TMX2: variants seen among roughly 807,000 people sequenced by gnomAD.
The protein encoded by TMX2 is thioredoxin-related transmembrane protein 2.
In TMX2, 20 loss-of-function variants were observed where a neutral mutation model predicts 33.4. The observed-to-expected ratio is 0.60, with a 90% confidence interval of 0.42 to 0.87. The LOEUF (loss-of-function observed/expected upper bound fraction) is 0.87, where lower values mean the gene tolerates loss of function less well. TMX2 is among the 40% of genes least tolerant of loss of function. TMX2 has a pLI of 0.00. For synonymous variants in TMX2, 166 were observed against 140.7 expected, an observed-to-expected ratio of 1.18 and a Z score of -1.27; for missense variants, 340 against 370.7, an observed-to-expected ratio of 0.92 and a Z score of 0.68.
chr11:57,737,288 C>T (rs999306889), intron 1 of TMX2, among the ~76,000 whole-genome samples: 4 of 151,948 alleles, frequency 2.6e-5, no homozygotes, highest in African/African-American at 4.8e-5. Context: ...GGTGTGGTGG[C>T]GCATGTCTGC....
Position 57,714,057 on chromosome 11 carries a change from C to T in TMX2, c.189+1250C>T, listed in dbSNP as rs114848102. 7.5e-3 allele frequency among the ~76,000 whole-genome samples: 1,141 copies of T among 152,242 alleles called. 15 individuals carry two copies. The highest frequency in any genetic ancestry group is 0.025 in the African/African-American group (1,057 of 41,536). On this transcript the variant is annotated intron_variant, in intron 1 of 7. Transcript: ENST00000278422. ...TCCAGTATCTGCTGGTTTCCAGGGA[C>T]CTTTAATTTAAAATGATTAGCATAC...
At position 57,712,728 on chromosome 11, in the gene TMX2, T is replaced by C; in HGVS notation, c.110T>C (p.Leu37Pro). ...LLSALLSAAF[L>P]LVRKLPPLCH... ...TCGGCCCTGCTCTCTGCTGCCTTCC[T>C]ACTCGTGAGGAAACTGCCGCCGCTC... Residue 37 changes from leucine to proline, a missense_variant, in exon 1 of 8, where the codon CTA (leucine) becomes CCA (proline). Physicochemically the swap from Leu to Pro is moderately conservative, Grantham distance 98 (BLOSUM62 -3). Coordinates refer to ENST00000278422, the MANE Select transcript of TMX2 (RefSeq NM_015959.4). 6.2e-7 allele frequency: 1 copy of C among 1,614,152 alleles called. No homozygotes were observed. Among genetic ancestry groups the C allele is most frequent in the Non-Finnish European group, 8.5e-7 (1 of 1,180,030 alleles).
intron 1 of TMX2, among the ~76,000 whole-genome samples, chr11:57,734,280 G>A (rs988997641): frequency 4.0e-5 from 6 of 151,238 alleles, no homozygotes; most frequent in Admixed American, 6.6e-5. Context: ...CAGTCACACA[G>A]TTCTACCTGG....
chr11:57,725,276 C>T (rs189141839), intron 1 of TMX2, among the ~76,000 whole-genome samples: 14 of 152,174 alleles, frequency 9.2e-5, no homozygotes, highest in African/African-American at 3.1e-4. Context: ...CCAAGGAAAC[C>T]GAAATCATGG....
At position 57,737,727 on chromosome 11, in the gene TMX2, T is replaced by C. The variant is rs947863449; in HGVS notation, c.250+59T>C. 6 of 1,579,248 alleles carry C rather than the reference T, an allele frequency of 3.8e-6. No individual in the cohort carries two copies. The African/African-American group carries it at 5.4e-5, about 14-fold the overall frequency. ...GATCTAATGCCCTTTGGAGGTGCTT[T>C]GCTTCATGTTAAGAGAGTGGCAATC... On this transcript the variant is annotated intron_variant, in intron 2 of 7. Transcript: ENST00000278422.
Position 57,712,928 on chromosome 11 carries a change from TAG to T in TMX2, c.189+125_189+126del, listed in dbSNP as rs1322342216. 11 of 1,051,268 alleles carry T rather than the reference TAG, an allele frequency of 1.0e-5. No individual in the cohort carries two copies. In the African/African-American group the frequency reaches 1.3e-4, roughly 12 times the overall value. The allele number at this position is 1,051,268 out of a possible 1,614,324, so 65.1% of individuals were successfully genotyped here. On this transcript the variant is annotated intron_variant, in intron 1 of 7. Coordinates refer to ENST00000278422, the MANE Select transcript of TMX2 (RefSeq NM_015959.4). ...TGAGGTTCCGAGCCTGTAGCGGACT[TAG>T]AGACTATTAAGTGCAGGGTCCGAAC...
Position 57,739,007 on chromosome 11 carries a change from G to A in TMX2, c.582G>A (p.Val194=), listed in dbSNP as rs754684444. 5 of 1,613,994 alleles carry A rather than the reference G, an allele frequency of 3.1e-6. No individual in the cohort carries two copies. In the African/African-American group the frequency reaches 6.7e-5, roughly 22 times the overall value. The change falls in exon 6 of 8, where the codon GTG becomes GTA. Residue 194 remains valine (V), a synonymous_variant. Coordinates refer to ENST00000278422, the MANE Select transcript of TMX2 (RefSeq NM_015959.4). The part of the protein sequence containing the change: ...YNCTGLNFGK[V]DVGRYTDVST... ...GTACAGGGCTAAATTTTGGGAAGGTGGATGTTGGACGCTATACTGATGTTA... is the reference window on the plus strand; with the variant it reads ...GTACAGGGCTAAATTTTGGGAAGGTAGATGTTGGACGCTATACTGATGTTA...
intron 1 of TMX2, among the ~76,000 whole-genome samples, chr11:57,713,173 A>G (rs535887974): frequency 6.6e-6 from 1 of 152,320 alleles, no homozygotes; most frequent in South Asian, 2.1e-4. Flanking sequence ...CCAGTAAGGT[A>G]GACAAGGCAA....
intron 1 of TMX2, among the ~76,000 whole-genome samples, chr11:57,728,507 C>T (rs1389254467): frequency 6.6e-6 from 1 of 152,116 alleles, no homozygotes; most frequent in Non-Finnish European, 1.5e-5. Context: ...CGAGCTTCTC[C>T]TTCGGTGGAA....
chr11:57,734,223 A>G (rs1001202595), intron 1 of TMX2, among the ~76,000 whole-genome samples: 1 of 149,230 alleles, frequency 6.7e-6, no homozygotes, highest in Non-Finnish European at 1.5e-5. Context: ...AACTGCCTGA[A>G]CCCAGAAGTG....
At chr11:57,716,018 A>G (rs1032913834) in intron 1 of TMX2, among the ~76,000 whole-genome samples, 27 of 152,300 alleles carry the variant, frequency 1.8e-4, no homozygotes, top group Middle Eastern at 3.4e-3. Context: ...CGATTTTTCA[A>G]TCTTTTCCCC....
At chr11:57,733,587 T>C (rs934215825) in intron 1 of TMX2, among the ~76,000 whole-genome samples, 10 of 151,928 alleles carry the variant, frequency 6.6e-5, no homozygotes, top group Admixed American at 4.6e-4. Context: ...TGAAACGATA[T>C]AGCTGGAATT....
intron 1 of TMX2, among the ~76,000 whole-genome samples, chr11:57,729,774 C>T (rs1234306182): frequency 6.7e-6 from 1 of 149,892 alleles, no homozygotes; most frequent in Non-Finnish European, 1.5e-5. Flanking sequence ...ATTTTCACTA[C>T]TGAAAATATA....
chr11:57,715,909 C>T (rs1156587602), intron 1 of TMX2, among the ~76,000 whole-genome samples: 2 of 151,904 alleles, frequency 1.3e-5, no homozygotes, highest in Admixed American at 6.6e-5. Context: ...GTAAGGTCAC[C>T]GATCAACAGG....
rs1262352948 is a variant in TMX2, at chr11:57,739,043, T to A, written c.614+4T>A. 2.5e-6 allele frequency: 4 copies of A among 1,614,080 alleles called. No homozygotes were observed. The highest frequency in any genetic ancestry group is 3.4e-6 in the Non-Finnish European group (4 of 1,180,034). The stretch of plus-strand genomic sequence containing the variant: ...GCTATACTGATGTTAGTACGCGGTA[T>A]GTAAAGACCTGGGCAGAGGGTCTGA... On this transcript the variant is annotated splice_donor_region_variant and intron_variant, in intron 6 of 7. Transcript: ENST00000278422.
intron 1 of TMX2, among the ~76,000 whole-genome samples, chr11:57,716,669 C>T (rs1387161547): frequency 4.3e-5 from 6 of 139,922 alleles, no homozygotes; most frequent in Non-Finnish European, 9.4e-5. Flanking sequence ...GGGGGCTGAC[C>T]CCCCCACCTC....
chr11:57,717,592 A>T (rs919783910), intron 1 of TMX2, among the ~76,000 whole-genome samples: 1 of 151,976 alleles, frequency 6.6e-6, no homozygotes, highest in African/African-American at 2.4e-5. Context: ...AATCGCAGGC[A>T]CTCGGTGGGC....
rs375263719 is a variant in TMX2, at chr11:57,725,651, C to T, written c.190-11957C>T. Among the ~76,000 whole-genome samples, 6 of 151,800 alleles carry T rather than the reference C, an allele frequency of 4.0e-5. No individual in the cohort carries two copies. In the East Asian group the frequency reaches 5.8e-4, roughly 15 times the overall value. Reference sequence around the variant, plus strand: ...ACTTGGGAGGCTGAGGCAGGAGAATCGCTTGAACCCAGGAGGTGGAGGTTG... The same window carrying T: ...ACTTGGGAGGCTGAGGCAGGAGAATTGCTTGAACCCAGGAGGTGGAGGTTG... On this transcript the variant is annotated intron_variant, in intron 1 of 7. Coordinates refer to ENST00000278422, the MANE Select transcript of TMX2 (RefSeq NM_015959.4).
At position 57,740,328 on chromosome 11, in the gene TMX2, TTA is replaced by T. The variant is rs918665999; in HGVS notation, c.*85_*86del. 2.1e-5 allele frequency: 30 copies of T among 1,456,258 alleles called. No homozygotes were observed. The Middle Eastern group carries it at 7.3e-4, about 35-fold the overall frequency. The allele number at this position is 1,456,258 out of a possible 1,614,324, so 90.2% of individuals were successfully genotyped here. A position where few individuals can be genotyped will look rare whatever the true frequency, so the allele number is the denominator to read the frequency against. On this transcript the variant is annotated 3_prime_UTR_variant, in exon 8 of 8. Transcript: ENST00000278422. The stretch of plus-strand genomic sequence containing the variant: ...CAAGCCTGAGGCTGCAGCCTTTTAT[TTA>T]TGTTTTCCCTTTGGCTGTGACTGGG...
Sources: allele counts gnomAD v4.1 joint callset (sites outside exome capture counted in the v4.1 genomes callset), GRCh38; gene constraint gnomAD v4.1.1; transcripts MANE v1.5; gene names NCBI Gene and HGNC (gene_info 2026-07-23, HGNC 2026-07-21).